Variants in ITGB6 observed in about 807,000 individuals in gnomAD.
The protein encoded by ITGB6 is integrin subunit beta 6, also known as integrin beta-6.
In ITGB6, 80 loss-of-function variants were observed where a neutral mutation model predicts 84.5. The ratio of observed to expected loss-of-function variants is 0.95; its 90% CI spans 0.79 to 1.14. ITGB6 has a LOEUF of 1.14. Among genes scored for constraint, ITGB6 ranks in the 50% most tolerant of loss-of-function variants. The probability of loss-of-function intolerance (pLI) is 0.00; values close to 1 mark genes in which losing one functional copy is unlikely to be tolerated. For synonymous variants in ITGB6, 383 were observed against 354.9 expected (o/e 1.08, Z -0.89); for missense variants, 1,006 against 968.0 (o/e 1.04, Z -0.52).
At chr2:160,177,824 G>A (rs1685488671) in intron 4 of ITGB6, among the ~76,000 whole-genome samples, 1 of 152,104 alleles carries the variant, frequency 6.6e-6, no homozygotes, top group South Asian at 2.1e-4. Flanking sequence ...ACTTGAAGTA[G>A]CTGTGGGTGG....
chr2:160,175,058 A>T (rs928404695), intron 4 of ITGB6, among the ~76,000 whole-genome samples: 1 of 152,250 alleles, frequency 6.6e-6, no homozygotes, highest in Non-Finnish European at 1.5e-5. Context: ...TCACTGGTGT[A>T]GAAGCGCAAA....
chr2:160,169,885 G>A (rs184757177), intron 6 of ITGB6, among the ~76,000 whole-genome samples: 2 of 152,250 alleles, frequency 1.3e-5, no homozygotes, highest in East Asian at 3.9e-4. Flanking sequence ...TATTTTTACA[G>A]GACAATTGAA....
chr2:160,107,912 T>C, intron 13 of ITGB6, 67 bp from the exon 14 acceptor site: 2 of 1,345,396 alleles, frequency 1.5e-6, no homozygotes, highest in Non-Finnish European at 1.0e-6. Flanking sequence ...AAGGCATTTC[T>C]TGTTGGATTT....
intron 7 of ITGB6, among the ~76,000 whole-genome samples, chr2:160,159,175 T>G (rs760185022): frequency 2.0e-5 from 3 of 150,204 alleles, no homozygotes; most frequent in Non-Finnish European, 4.4e-5. Context: ...TTTTAAGAGG[T>G]CCCTGTCCCC....
chr2:160,147,229 T>A (rs1337088126), intron 7 of ITGB6, among the ~76,000 whole-genome samples: 1 of 152,106 alleles, frequency 6.6e-6, no homozygotes, highest in Non-Finnish European at 1.5e-5. Flanking sequence ...TATCTTCCCT[T>A]GTATTGCCTC....
At chr2:160,146,775 A>G (rs1684210053) in intron 7 of ITGB6, among the ~76,000 whole-genome samples, 1 of 152,168 alleles carries the variant, frequency 6.6e-6, no homozygotes, top group Non-Finnish European at 1.5e-5. Context: ...TAAAGAGTAA[A>G]CAAGCAAATA....
chr2:160,101,943 A>G, intron 14 of ITGB6, 109 bp from the exon 15 acceptor site: 1 of 653,378 alleles, frequency 1.5e-6, no homozygotes, highest in Non-Finnish European at 2.7e-6. Context: ...CTTGGAAACC[A>G]TTAGAACAAT....
At chr2:160,160,311 G>T (rs1160045439) in intron 7 of ITGB6, among the ~76,000 whole-genome samples, 1 of 152,082 alleles carries the variant, frequency 6.6e-6, no homozygotes, top group Non-Finnish European at 1.5e-5. Context: ...TATTGCATGG[G>T]ACATATTTAT....
chr2:160,149,820 C>T (rs992307870), intron 7 of ITGB6, among the ~76,000 whole-genome samples: 1 of 152,012 alleles, frequency 6.6e-6, no homozygotes, highest in Non-Finnish European at 1.5e-5. Context: ...GCACAAGCTT[C>T]AATAGCAGGT....
intron 7 of ITGB6, among the ~76,000 whole-genome samples, chr2:160,148,193 G>A (rs1399319581): frequency 6.6e-6 from 1 of 152,142 alleles, no homozygotes; most frequent in Non-Finnish European, 1.5e-5. Flanking sequence ...TGGCAAATAG[G>A]CATATGAAAA....
chr2:160,196,993 A>G (rs1686368517), intron 2 of ITGB6, among the ~76,000 whole-genome samples: 1 of 152,100 alleles, frequency 6.6e-6, no homozygotes, highest in African/African-American at 2.4e-5. Flanking sequence ...TGCCAGTTGT[A>G]TGCATCGGTC....
rs918661090 is a variant in ITGB6 at position 160,107,948 on chromosome 2, A to G, written c.2102-103T>C. The G allele has an allele frequency of 2.9e-5, 28 of 980,474 alleles. No individual in the cohort carries two copies. The Admixed American group carries it at 4.0e-4, about 14-fold the overall frequency. 60.7% of individuals were successfully genotyped at this position (980,474 alleles called of 1,614,324 possible). ...TCATCTACATTTTCTGCAGCAGAGG[A>G]TAAATATTGACACCATTTTCGCCTT... On this transcript the variant is annotated intron_variant, in intron 13 of 14. Transcript: ENST00000283249.
chr2:160,198,942 C>T (rs1001210889), intron 2 of ITGB6, among the ~76,000 whole-genome samples: 1 of 152,064 alleles, frequency 6.6e-6, no homozygotes. Context: ...ATAAAAAAAT[C>T]CCAAGTTAAA....
intron 4 of ITGB6, among the ~76,000 whole-genome samples, chr2:160,183,561 G>A (rs761564630): frequency 3.9e-5 from 6 of 152,200 alleles, no homozygotes; most frequent in Admixed American, 3.3e-4. Flanking sequence ...ACACTCCACT[G>A]TCAATATTAG....
chr2:160,118,095 G>A (rs944810847), intron 12 of ITGB6, among the ~76,000 whole-genome samples: 4 of 152,170 alleles, frequency 2.6e-5, no homozygotes, highest in East Asian at 1.9e-4. Flanking sequence ...ACAAGGAGGA[G>A]CTGGTACCAC....
intron 14 of ITGB6, among the ~76,000 whole-genome samples, chr2:160,106,843 C>G: frequency 6.6e-6 from 1 of 152,158 alleles, no homozygotes; most frequent in East Asian, 1.9e-4. Flanking sequence ...GCGGACAAAT[C>G]CAAAGGAGCA....
chr2:160,113,413 G>A (rs1200186645), intron 12 of ITGB6, among the ~76,000 whole-genome samples: 1 of 152,226 alleles, frequency 6.6e-6, no homozygotes, highest in Non-Finnish European at 1.5e-5. Context: ...AACAGTGTCT[G>A]TGAGAAGTAT....
chr2:160,123,634 A>G (rs1399717032), intron 12 of ITGB6, among the ~76,000 whole-genome samples, 157 bp downstream of exon 12: 7 of 152,202 alleles, frequency 4.6e-5, no homozygotes, highest in Non-Finnish European at 2.9e-5. Context: ...CTAGTCTTAT[A>G]GGATGCATTT....
intron 12 of ITGB6, among the ~76,000 whole-genome samples, chr2:160,116,777 G>T (rs1327642360): frequency 3.0e-4 from 46 of 151,172 alleles, no homozygotes; most frequent in African/African-American, 1.1e-3. Context: ...CCATCTCACG[G>T]GCAGAGACAC....
Sources: gnomAD v4.1 joint callset for allele counts (sites outside exome capture counted in the v4.1 genomes callset) on GRCh38, gnomAD v4.1.1 for gene constraint, MANE v1.5 for transcripts, NCBI Gene and HGNC (gene_info 2026-07-23, HGNC 2026-07-21) for gene names.